ORC4: variants seen among roughly 807,000 people sequenced by gnomAD.
ORC4 encodes origin recognition complex subunit 4.
ORC4 carries 55 observed loss-of-function variants against 63.9 expected under a neutral mutation model. The ratio of observed to expected loss-of-function variants is 0.86; its 90% CI spans 0.69 to 1.08. The LOEUF (loss-of-function observed/expected upper bound fraction) is 1.08. ORC4 is among the 50% of genes least tolerant of loss of function. The pLI, the probability that ORC4 is intolerant of heterozygous loss-of-function variation, is 0.00. For missense variants in ORC4, 511 were observed against 504.4 expected, an observed-to-expected ratio of 1.01 and a Z score of -0.13; for synonymous variants, 150 against 168.5, an observed-to-expected ratio of 0.89 and a Z score of 0.85.
intron 1 of ORC4, among the ~76,000 whole-genome samples, chr2:147,993,637 T>C (rs1289178011): frequency 6.6e-6 from 1 of 152,170 alleles, no homozygotes; most frequent in Non-Finnish European, 1.5e-5. Flanking sequence ...TAAATGGAAA[T>C]GTCAGTTGAC....
intron 4 of ORC4, among the ~76,000 whole-genome samples, chr2:147,964,756 T>C (rs1051046150): frequency 5.9e-5 from 9 of 152,166 alleles, no homozygotes; most frequent in Non-Finnish European, 1.0e-4. Flanking sequence ...TTATAGCAGA[T>C]TTCTTTTTTT....
intron 1 of ORC4, among the ~76,000 whole-genome samples, chr2:147,991,016 A>G (rs1290489628): frequency 2.0e-5 from 3 of 151,616 alleles, no homozygotes; most frequent in African/African-American, 7.3e-5. Flanking sequence ...ATATATATAC[A>G]CACATATGAA....
intron 11 of ORC4, 96 bp downstream of exon 11, chr2:147,939,044 C>A: frequency 1.3e-6 from 1 of 765,300 alleles, no homozygotes; most frequent in Non-Finnish European, 2.3e-6. Context: ...TTTTATAAAG[C>A]ATTATGCCCA....
Position 147,952,399 on chromosome 2 carries a change from C to G in ORC4, c.562G>C (p.Ala188Pro), listed in dbSNP as rs1435753288. ...DISQSAQTPI[A>P]VIGLTCRLDI... is the part of the protein sequence containing the mutation. ...AATCTACATGTAAGACCAATAACTG[C>G]TATTGGGGTCTGTGCAGACTGAGAA... The change falls in exon 8 of 14, where the codon GCA (alanine) becomes CCA (proline). Residue 188 changes from alanine (A) to proline (P), a missense_variant. Coordinates refer to ENST00000392857, the MANE Select transcript of ORC4 (RefSeq NM_181741.4). The G allele has an allele frequency of 1.2e-6, 2 of 1,607,294 alleles. No individual in the cohort carries two copies. The highest frequency in any genetic ancestry group is 1.7e-6 in the Non-Finnish European group (2 of 1,174,128).
rs572180071 is a variant in ORC4, at chr2:147,995,474, G to T, written c.-17-19499C>A. Among the ~76,000 whole-genome samples the T allele has an allele frequency of 2.0e-5, 3 of 152,224 alleles. No homozygotes were observed. The East Asian group carries it at 5.8e-4, about 29-fold the overall frequency. ...CCCGAGTCAGCAGTGGCAACCTGCT[G>T]GGGTCCCCTTCCACGCTGTGGAAGC... On this transcript the variant is annotated intron_variant, in intron 1 of 13. Transcript: ENST00000392857.
At chr2:148,015,683 T>C (rs1693239342) in intron 1 of ORC4, among the ~76,000 whole-genome samples, 1 of 152,102 alleles carries the variant, frequency 6.6e-6, no homozygotes, top group Non-Finnish European at 1.5e-5. Flanking sequence ...GCTTTTTTTT[T>C]TTGGCTAATG....
intron 1 of ORC4, among the ~76,000 whole-genome samples, chr2:147,998,093 A>C (rs1692077317): frequency 6.6e-6 from 1 of 152,192 alleles, no homozygotes. Flanking sequence ...AGACATAAAC[A>C]AACCATACAA....
intron 4 of ORC4, among the ~76,000 whole-genome samples, chr2:147,961,401 C>T (rs1339297530): frequency 3.3e-5 from 5 of 149,486 alleles, no homozygotes. Flanking sequence ...CGTGCCACTG[C>T]ACTCCAGCCT....
chr2:148,018,511 C>G (rs778826466), intron 1 of ORC4, among the ~76,000 whole-genome samples: 1 of 152,124 alleles, frequency 6.6e-6, no homozygotes, highest in Non-Finnish European at 1.5e-5. Context: ...AAACGGAACA[C>G]AATCCAAATG....
At chr2:148,015,069 T>G (rs1001630445) in intron 1 of ORC4, among the ~76,000 whole-genome samples, 2 of 150,166 alleles carry the variant, frequency 1.3e-5, no homozygotes, top group Admixed American at 1.3e-4. Flanking sequence ...TGCCACACGA[T>G]GATTGAACAT....
upstream of ORC4, chr2:148,021,496 C>G (rs1006947456): frequency 1.7e-6 from 1 of 577,364 alleles, no homozygotes; most frequent in Admixed American, 2.2e-5. Flanking sequence ...GCTGCTGCTG[C>G]TACTGCTGCT....
chr2:147,979,064 C>A (rs893253636), intron 1 of ORC4, among the ~76,000 whole-genome samples: 2 of 152,088 alleles, frequency 1.3e-5, no homozygotes, highest in Non-Finnish European at 2.9e-5. Flanking sequence ...GACAAGAATG[C>A]CCACTTTGGC....
rs7423878 is a variant in ORC4, at chr2:147,931,800, T to C, written c.*3710A>G. ...CTCAATAAATTAGGGATTGATGGGG[T>C]GTATTTCAAAATAATAAGAGCTATC... On this transcript the variant is annotated 3_prime_UTR_variant, in exon 14 of 14. Coordinates refer to ENST00000392857, the MANE Select transcript of ORC4 (RefSeq NM_181741.4). The C allele has an allele frequency of 0.34, 51,704 of 150,978 alleles. 9,128 individuals are homozygous for C. Among genetic ancestry groups the C allele is most frequent in the East Asian group, 0.52 (2,654 of 5,100 alleles). 9.4% of individuals were successfully genotyped at this position (150,978 alleles called of 1,614,324 possible).
intron 13 of ORC4, chr2:147,937,881 T>C (rs1467776477): frequency 3.0e-5 from 14 of 474,508 alleles, no homozygotes; most frequent in Non-Finnish European, 5.3e-5. Context: ...GGAAAGGTTA[T>C]ATCACACACT....
intron 4 of ORC4, among the ~76,000 whole-genome samples, chr2:147,959,332 T>C (rs771231818): frequency 1.4e-4 from 21 of 151,874 alleles, no homozygotes; most frequent in Non-Finnish European, 2.8e-4. Flanking sequence ...TGTGATATCA[T>C]ACATATCTCT....
chr2:147,958,337 C>T lies in ORC4; in HGVS notation c.348G>A (p.Arg116=). ...NDKIALKEIT[R]QLNLENVVGD... is the part of the protein sequence containing the mutation. ...CAACTACATTTTCCAGATTTAACTG[C>T]CTTGTGATTTCCTTTAGGGCGATTT... is the stretch of plus-strand genomic sequence containing the variant. The change falls in exon 6 of 14, where the codon AGG becomes AGA. Residue 116 remains arginine (R), a synonymous_variant. Transcript: ENST00000392857. 1 of 1,612,302 alleles carries T rather than the reference C, an allele frequency of 6.2e-7. No homozygotes were observed. The highest frequency in any genetic ancestry group is 8.5e-7 in the Non-Finnish European group (1 of 1,178,818).
chr2:148,010,626 A>T (rs966446296), intron 1 of ORC4, among the ~76,000 whole-genome samples: 6 of 152,104 alleles, frequency 3.9e-5, no homozygotes, highest in Admixed American at 2.0e-4. Flanking sequence ...CATACAGCCT[A>T]AGAAGAATGA....
Position 148,010,300 on chromosome 2 carries a change from C to T in ORC4, c.-18+10333G>A, listed in dbSNP as rs537885721. ...TCTTAAAGAACTAGAAAAGCAAGAG[C>T]ATGCCAAGCCCCAAATTAAGAAGAG... On this transcript the variant is annotated intron_variant, in intron 1 of 13. Transcript: ENST00000392857. Among the ~76,000 whole-genome samples, 9 of 151,694 alleles carry T rather than the reference C, an allele frequency of 5.9e-5. No individual in the cohort carries two copies. The South Asian group carries it at 1.9e-3, about 32-fold the overall frequency.
intron 1 of ORC4, among the ~76,000 whole-genome samples, chr2:147,988,084 T>C (rs763406610): frequency 6.6e-6 from 1 of 151,206 alleles, no homozygotes; most frequent in East Asian, 1.9e-4. Context: ...TATTGTAATA[T>C]GTTTACCTAT....
Sources: gnomAD v4.1 joint callset for allele counts (sites outside exome capture counted in the v4.1 genomes callset) on GRCh38, gnomAD v4.1.1 for gene constraint, MANE v1.5 for transcripts, NCBI Gene and HGNC (gene_info 2026-07-23, HGNC 2026-07-21) for gene names.